Variants in MAP3K15 observed in about 807,000 individuals in gnomAD.
MAP3K15 encodes mitogen-activated protein kinase kinase kinase 15.
In MAP3K15, 124 loss-of-function variants were observed where a neutral mutation model predicts 99.5. The ratio of observed to expected loss-of-function variants is 1.25; its 90% CI spans 1.08 to 1.45. MAP3K15 has a LOEUF of 1.45. Among genes scored for constraint, MAP3K15 ranks in the 40% most tolerant of loss-of-function variants. The pLI is 0.00. For synonymous variants in MAP3K15, 494 were observed against 439.6 expected, an observed-to-expected ratio of 1.12 and a Z score of -1.55; for missense variants, 1,242 against 1,079.7, an observed-to-expected ratio of 1.15 and a Z score of -2.11.
At chrX:19,476,956 C>A (rs1245791447) in intron 3 of MAP3K15, among the ~76,000 whole-genome samples, 1 of 111,217 alleles carries the variant, frequency 9.0e-6, no homozygotes, top group Non-Finnish European at 1.9e-5. Context: ...GACCACGGAG[C>A]CAGATAATCT....
In MAP3K15 at chrX:19,490,140, T is replaced by TACACACACAC. The variant is rs59202439; in HGVS notation, c.362-1183_362-1174dup. On this transcript the variant is annotated intron_variant, in intron 1 of 28. Transcript: ENST00000338883. Reference sequence around the variant, plus strand: ...TACGTACAGGCATGTATAGGCATTATACACACACACACACACACACACACA... The same window carrying TACACACACAC: ...TACGTACAGGCATGTATAGGCATTATACACACACACACACACACACACACACACACACACA... Among the ~76,000 whole-genome samples the TACACACACAC allele has an allele frequency of 3.5e-3, 321 of 92,459 alleles. 2 individuals carry two copies. The highest frequency in any genetic ancestry group is 0.012 in the African/African-American group (296 of 24,023). 80.3% of individuals were successfully genotyped at this position (92,459 alleles called of 115,157 possible).
At chrX:19,387,276 ACTG>A (rs2063499439) in intron 18 of MAP3K15, among the ~76,000 whole-genome samples, 1 of 111,987 alleles carries the variant, frequency 8.9e-6, no homozygotes, top group Admixed American at 9.5e-5. Flanking sequence ...GTGTGGGGAT[ACTG>A]CCACACCCTC....
chrX:19,417,543 G>A (rs2063746680), intron 9 of MAP3K15, among the ~76,000 whole-genome samples: 1 of 111,851 alleles, frequency 8.9e-6, no homozygotes, highest in African/African-American at 3.2e-5. Flanking sequence ...AAAGCCTCCG[G>A]GAAGCTCGAA....
rs1008173567 is a variant in MAP3K15 at position 19,380,240 on chromosome X, T to C, written c.2469A>G (p.Gln823=). Residue 823 remains glutamine (Q), a synonymous_variant, in exon 19 of 29, where the codon CAA becomes CAG. Transcript: ENST00000338883. ...LQYMAPEIID[Q]GPRGYGAPAD... Reference sequence around the variant, plus strand: ...CTGGGGCACCATATCCGCGAGGCCCTTGGTCAATTATCTCAGGTGCCATGT... The same window carrying C: ...CTGGGGCACCATATCCGCGAGGCCCCTGGTCAATTATCTCAGGTGCCATGT... 1.7e-6 allele frequency: 2 copies of C among 1,207,650 alleles called. No individual in the cohort carries two copies. The highest frequency in any genetic ancestry group is 2.2e-5 in the Admixed American group (1 of 45,409).
intron 25 of MAP3K15, among the ~76,000 whole-genome samples, chrX:19,363,563 C>T (rs770759965): frequency 6.3e-5 from 7 of 111,880 alleles, no homozygotes; most frequent in Non-Finnish European, 9.4e-5. Flanking sequence ...TCAGATAAGG[C>T]AGCTGAAACT....
intron 1 of MAP3K15, among the ~76,000 whole-genome samples, chrX:19,502,988 A>C (rs996987160): frequency 8.9e-6 from 1 of 111,838 alleles, no homozygotes; most frequent in Non-Finnish European, 1.9e-5. Context: ...TTGAGAGACC[A>C]GTTACAAAGC....
intron 1 of MAP3K15, among the ~76,000 whole-genome samples, chrX:19,494,892 G>T: frequency 1.2e-5 from 1 of 84,865 alleles, no homozygotes; most frequent in Non-Finnish European, 2.4e-5. Context: ...AAAAAAAAAA[G>T]CCCAGATATA....
At chrX:19,406,314 A>C (rs952861290) in intron 13 of MAP3K15, among the ~76,000 whole-genome samples, 12 of 112,831 alleles carry the variant, frequency 1.1e-4, no homozygotes, top group African/African-American at 3.9e-4. Context: ...CAAAAAGTGC[A>C]AACAATCCAA....
At chrX:19,439,391 T>A (rs1432565219) in intron 6 of MAP3K15, among the ~76,000 whole-genome samples, 1 of 111,961 alleles carries the variant, frequency 8.9e-6, no homozygotes, top group Non-Finnish European at 1.9e-5. Context: ...ATATTCTATA[T>A]CTTGATTGTG....
chrX:19,369,290 G>C, intron 24 of MAP3K15, 71 bp from the exon 25 acceptor site: 1 of 1,158,626 alleles, frequency 8.6e-7, no homozygotes, highest in Non-Finnish European at 1.2e-6. Context: ...CAGACACCCA[G>C]GTCAGCAAAC....
At chrX:19,395,828 C>A (rs2063564238) in intron 15 of MAP3K15, among the ~76,000 whole-genome samples, 1 of 112,231 alleles carries the variant, frequency 8.9e-6, no homozygotes, top group Non-Finnish European at 1.9e-5. Flanking sequence ...TCAGGCTAAG[C>A]CTTAAAAAAT....
chrX:19,411,955 T>C (rs2063692087), intron 11 of MAP3K15, among the ~76,000 whole-genome samples: 2 of 111,752 alleles, frequency 1.8e-5, no homozygotes, highest in South Asian at 7.5e-4. Context: ...GGTAGGAGAA[T>C]ATGAAAGCCA....
intron 7 of MAP3K15, among the ~76,000 whole-genome samples, chrX:19,430,774 C>T (rs1427995587): frequency 9.0e-6 from 1 of 110,635 alleles, no homozygotes; most frequent in Non-Finnish European, 1.9e-5. Context: ...GAGTCTCTGC[C>T]CTTGCTGTTT....
intron 21 of MAP3K15, 107 bp downstream of exon 21, chrX:19,373,429 G>A: frequency 1.0e-6 from 1 of 998,980 alleles, no homozygotes; most frequent in Non-Finnish European, 1.4e-6. Context: ...CAGAAGGGAA[G>A]TAAAACCCCT....
At chrX:19,473,823 A>G (rs1310113193) in intron 3 of MAP3K15, among the ~76,000 whole-genome samples, 1 of 112,237 alleles carries the variant, frequency 8.9e-6, no homozygotes, top group Non-Finnish European at 1.9e-5. Flanking sequence ...TCAATTAAAT[A>G]ATAGGTGCTT....
intron 19 of MAP3K15, among the ~76,000 whole-genome samples, chrX:19,379,781 T>A (rs1363702368): frequency 9.0e-6 from 1 of 111,541 alleles, no homozygotes; most frequent in Non-Finnish European, 1.9e-5. Context: ...TGAACACCAA[T>A]GGTCCCCCCA....
At chrX:19,480,831 A>G (rs758636229) in intron 3 of MAP3K15, among the ~76,000 whole-genome samples, 25 of 104,452 alleles carry the variant, frequency 2.4e-4, no homozygotes, top group African/African-American at 8.1e-4. Flanking sequence ...AAAAAAAAAA[A>G]GGGCTGGGTA....
chrX:19,491,132 G>A (rs770139028), intron 1 of MAP3K15, among the ~76,000 whole-genome samples: 20 of 111,758 alleles, frequency 1.8e-4, no homozygotes, highest in Admixed American at 3.8e-4. Flanking sequence ...GAGAGGCGCT[G>A]GGAACCTGAG....
intron 9 of MAP3K15, among the ~76,000 whole-genome samples, chrX:19,418,724 GAC>G (rs777607836): frequency 0.037 from 4,054 of 110,731 alleles, 190 homozygotes; most frequent in African/African-American, 0.13. Context: ...GCAACTCCAA[GAC>G]ACATAATTGT....
Sources: gnomAD v4.1 joint callset for allele counts (sites outside exome capture counted in the v4.1 genomes callset) on GRCh38, gnomAD v4.1.1 for gene constraint, MANE v1.5 for transcripts, NCBI Gene and HGNC (gene_info 2026-07-23, HGNC 2026-07-21) for gene names.